The following CEP120 variants were observed in gnomAD, a reference collection of about 807,000 sequenced individuals.
CEP120 encodes the protein centrosomal protein of 120 kDa.
In CEP120, 113 loss-of-function variants were observed where a neutral mutation model predicts 126.5. The observed-to-expected ratio is 0.89, with a 90% CI of 0.77 to 1.04. The LOEUF (loss-of-function observed/expected upper bound fraction) is 1.04. CEP120 is among the 50% of genes least tolerant of loss of function. The pLI, the probability that CEP120 is intolerant of heterozygous loss-of-function variation, is 0.00. For missense variants in CEP120, 1,230 were observed against 1,155.7 expected (o/e 1.06, Z -0.93); for synonymous variants, 400 against 394.3 (o/e 1.01, Z -0.17).
chr5:123,369,880 A>C (rs951510907), intron 17 of CEP120, among the ~76,000 whole-genome samples: 2 of 152,052 alleles, frequency 1.3e-5, no homozygotes, highest in African/African-American at 4.8e-5. Flanking sequence ...GTCTTGTTCA[A>C]TGCAAGACTA....
intron 1 of CEP120, chr5:123,422,376 A>G (rs1001148056): frequency 1.1e-5 from 9 of 828,466 alleles, no homozygotes; most frequent in Admixed American, 2.4e-5. Context: ...TTAGCTTTTT[A>G]GAATCAGGAC....
intron 10 of CEP120, among the ~76,000 whole-genome samples, chr5:123,385,619 G>GTTT (rs35110133): frequency 7.1e-6 from 1 of 140,634 alleles, no homozygotes; most frequent in African/African-American, 2.6e-5. Flanking sequence ...GACTATACCT[G>GTTT]TTTTTTTTTT....
chr5:123,393,635 A>T, intron 5 of CEP120, 138 bp from the exon 6 acceptor site: 1 of 688,636 alleles, frequency 1.5e-6, no homozygotes, highest in East Asian at 2.8e-5. Context: ...AAATTTCTGA[A>T]TTTCTGCCAA....
At chr5:123,408,810 T>A (rs542465375) in intron 4 of CEP120, among the ~76,000 whole-genome samples, 1 of 152,192 alleles carries the variant, frequency 6.6e-6, no homozygotes, top group East Asian at 1.9e-4. Context: ...GACATTACAA[T>A]AAAGAAAAGA....
At chr5:123,379,148 C>T (rs964192741) in intron 14 of CEP120, among the ~76,000 whole-genome samples, 4 of 152,010 alleles carry the variant, frequency 2.6e-5, no homozygotes, top group Non-Finnish European at 4.4e-5. Flanking sequence ...ACTGTTCTGG[C>T]GAGTGAGAAA....
chr5:123,388,746 G>C (rs1304342807), intron 8 of CEP120, 140 bp from the exon 9 acceptor site: 1 of 551,054 alleles, frequency 1.8e-6, no homozygotes, highest in Non-Finnish European at 2.9e-6. Context: ...TATGAATTGA[G>C]GTATAAGTAT....
intron 2 of CEP120, among the ~76,000 whole-genome samples, chr5:123,417,836 A>G (rs929878797): frequency 1.3e-5 from 2 of 152,232 alleles, no homozygotes; most frequent in African/African-American, 4.8e-5. Context: ...CTAATACTTA[A>G]CATCTCAGGC....
At chr5:123,382,388 A>T (rs1771710705) in intron 13 of CEP120, among the ~76,000 whole-genome samples, 188 bp from the exon 14 acceptor site, 1 of 151,018 alleles carries the variant, frequency 6.6e-6, no homozygotes, top group African/African-American at 2.4e-5. Context: ...AGTTCACTTC[A>T]GGAAACTATA....
At chr5:123,354,858 A>C (rs550954678) in intron 18 of CEP120, among the ~76,000 whole-genome samples, 1 of 152,088 alleles carries the variant, frequency 6.6e-6, no homozygotes, top group African/African-American at 2.4e-5. Flanking sequence ...ATATGTATAC[A>C]TGTGCCATGT....
chr5:123,347,651 A>G (rs917431087), intron 19 of CEP120, among the ~76,000 whole-genome samples: 8 of 151,918 alleles, frequency 5.3e-5, no homozygotes, highest in Non-Finnish European at 1.0e-4. Flanking sequence ...TACTTAGTAT[A>G]TTTTGTTTGT....
intron 18 of CEP120, among the ~76,000 whole-genome samples, chr5:123,352,462 CTT>C (rs1270011787): frequency 6.6e-6 from 1 of 151,976 alleles, no homozygotes; most frequent in Non-Finnish European, 1.5e-5. Flanking sequence ...AAAAACACCT[CTT>C]CTCTTGTTGC....
At chr5:123,373,073 T>G (rs1052561934) in intron 16 of CEP120, among the ~76,000 whole-genome samples, 3 of 152,072 alleles carry the variant, frequency 2.0e-5, no homozygotes, top group Admixed American at 2.0e-4. Context: ...TCCTAACACT[T>G]TCTTTACACT....
intron 17 of CEP120, among the ~76,000 whole-genome samples, chr5:123,370,696 T>C (rs574736314): frequency 1.3e-5 from 2 of 148,184 alleles, no homozygotes; most frequent in African/African-American, 2.5e-5. Context: ...TATATATATA[T>C]ACACATATAT....
chr5:123,401,003 G>C lies in CEP120; in HGVS notation c.464-1719C>G, dbSNP rs1279488856. 4.5e-6 allele frequency: 7 copies of C among 1,553,016 alleles called. No individual in the cohort carries two copies. In the East Asian group the frequency reaches 1.3e-4, roughly 30 times the overall value. On this transcript the variant is annotated intron_variant, in intron 4 of 19. Transcript: ENST00000306467. ...TCACAACCACGGCCCTGGAGTAGCTGGTGCGGCTGAAGGAGCTGGCGCCCA... is the reference window on the plus strand; with the variant it reads ...TCACAACCACGGCCCTGGAGTAGCTCGTGCGGCTGAAGGAGCTGGCGCCCA...
intron 18 of CEP120, among the ~76,000 whole-genome samples, chr5:123,352,791 T>C (rs1769283093): frequency 6.6e-6 from 1 of 152,018 alleles, no homozygotes; most frequent in African/African-American, 2.4e-5. Flanking sequence ...AAAATACTGA[T>C]TTTTCAATCA....
intron 11 of CEP120, among the ~76,000 whole-genome samples, chr5:123,383,767 C>G (rs1277324107): frequency 6.6e-6 from 1 of 152,038 alleles, no homozygotes; most frequent in African/African-American, 2.4e-5. Context: ...TTGTATCATA[C>G]AACTGCATGC....
At chr5:123,388,302 A>G in intron 9 of CEP120, 130 bp downstream of exon 9, 1 of 541,842 alleles carries the variant, frequency 1.8e-6, no homozygotes, top group African/African-American at 1.9e-5. Context: ...ATATAGCCTT[A>G]CCCCCTTTTA....
chr5:123,357,680 C>T (rs945524681), intron 18 of CEP120, among the ~76,000 whole-genome samples: 4 of 152,068 alleles, frequency 2.6e-5, no homozygotes, highest in African/African-American at 9.7e-5. Context: ...ATGACCTGAG[C>T]CTAGGAGGTC....
chr5:123,381,009 G>GT (rs1250489326), intron 14 of CEP120, among the ~76,000 whole-genome samples: 1 of 151,720 alleles, frequency 6.6e-6, no homozygotes, highest in African/African-American at 2.4e-5. Flanking sequence ...GGTTATTCAA[G>GT]TTTTTAATGG....
Sources: allele counts gnomAD v4.1 joint callset (sites outside exome capture counted in the v4.1 genomes callset), GRCh38; gene constraint gnomAD v4.1.1; transcripts MANE v1.5; gene names NCBI Gene and HGNC (gene_info 2026-07-23, HGNC 2026-07-21).